SGCG: variants seen among roughly 807,000 people sequenced by gnomAD.
SGCG encodes sarcoglycan gamma.
Under a neutral mutation model 29.3 loss-of-function variants are expected in SGCG, and 26 were observed. That is an observed-to-expected ratio of 0.89 (90% CI 0.65 to 1.23). The LOEUF (loss-of-function observed/expected upper bound fraction) is 1.23, where lower values mean the gene tolerates loss of function less well. Among genes scored for constraint, SGCG ranks in the 50% most tolerant of loss-of-function variants. SGCG has a pLI of 0.00. For missense variants in SGCG, 353 were observed against 356.0 expected (o/e 0.99, Z 0.07); for synonymous variants, 145 against 129.7 (o/e 1.12, Z -0.80).
At chr13:23,198,093 G>T (rs1336791567) in intron 1 of SGCG, among the ~76,000 whole-genome samples, 1 of 152,296 alleles carries the variant, frequency 6.6e-6, no homozygotes, top group Non-Finnish European at 1.5e-5. Context: ...AGATAACTTC[G>T]AACTATTATA....
At chr13:23,167,174 T>A in the SGCG span, among the ~76,000 whole-genome samples, 21 of 152,352 alleles carry the variant, frequency 1.4e-4, no homozygotes, top group Admixed American at 1.4e-3. Flanking sequence ...GCCTGGCTTA[T>A]TTCACTTAAC....
intron 6 of SGCG, among the ~76,000 whole-genome samples, chr13:23,314,456 G>A (rs184549726): frequency 0.23 from 27,289 of 118,868 alleles, 3,261 homozygotes; most frequent in Middle Eastern, 0.31. Context: ...ATATATAAAG[G>A]TATATATATA....
intron 2 of SGCG, among the ~76,000 whole-genome samples, chr13:23,214,860 C>T (rs1380664059): frequency 6.6e-6 from 1 of 152,018 alleles, no homozygotes; most frequent in Non-Finnish European, 1.5e-5. Flanking sequence ...GCTTTCCAGT[C>T]CAAAAATCAT....
intron 6 of SGCG, 144 bp from the exon 7 acceptor site, chr13:23,320,493 T>C: frequency 1.4e-6 from 1 of 701,610 alleles, no homozygotes; most frequent in South Asian, 1.7e-5. Context: ...CAATGAATAA[T>C]GCACAATATG....
At chr13:23,300,930 A>G (rs982968143) in intron 6 of SGCG, among the ~76,000 whole-genome samples, 2 of 152,102 alleles carry the variant, frequency 1.3e-5, no homozygotes, top group Non-Finnish European at 2.9e-5. Flanking sequence ...CCTGGCTAAC[A>G]CGGTGAAACC....
At chr13:23,227,485 CTG>C (rs1033606407) in intron 2 of SGCG, among the ~76,000 whole-genome samples, 3 of 152,152 alleles carry the variant, frequency 2.0e-5, no homozygotes, top group African/African-American at 7.2e-5. Flanking sequence ...GCCATACAAA[CTG>C]TATGTAAAAG....
intron 6 of SGCG, among the ~76,000 whole-genome samples, chr13:23,313,804 T>C (rs576355592): frequency 3.8e-4 from 58 of 152,302 alleles, no homozygotes; most frequent in South Asian, 4.1e-4. Flanking sequence ...TCTGTGAGGG[T>C]GTTGGCAAAG....
At chr13:23,249,010 AAAC>A (rs1484415036) in intron 3 of SGCG, among the ~76,000 whole-genome samples, 8 of 149,132 alleles carry the variant, frequency 5.4e-5, no homozygotes, top group South Asian at 4.5e-4. Context: ...AAAAAAAAAA[AAAC>A]AAACCTCAAT....
At chr13:23,306,640 T>C (rs894246480) in intron 6 of SGCG, among the ~76,000 whole-genome samples, 1 of 152,256 alleles carries the variant, frequency 6.6e-6, no homozygotes, top group Non-Finnish European at 1.5e-5. Flanking sequence ...TATGTATATT[T>C]TATTTGTCAC....
At chr13:23,301,601 A>G (rs760171991) in intron 6 of SGCG, among the ~76,000 whole-genome samples, 3 of 152,170 alleles carry the variant, frequency 2.0e-5, no homozygotes, top group Non-Finnish European at 2.9e-5. Context: ...ATAAGAATCA[A>G]TGGGGTCCGG....
At chr13:23,276,405 G>A (rs2137611993) in intron 4 of SGCG, among the ~76,000 whole-genome samples, 1 of 149,876 alleles carries the variant, frequency 6.7e-6, no homozygotes, top group South Asian at 2.1e-4. Flanking sequence ...CATCAGGGAA[G>A]CATGAACGCT....
chr13:23,317,695 C>T lies in SGCG; in HGVS notation c.579-2942C>T, dbSNP rs572273700. 3.2e-4 allele frequency among the ~76,000 whole-genome samples: 48 copies of T among 152,148 alleles called. 2 individuals are homozygous for T. Among genetic ancestry groups the T allele is most frequent in the Non-Finnish European group, 1.0e-4 (7 of 68,016 alleles). On this transcript the variant is annotated intron_variant, in intron 6 of 7. Transcript: ENST00000218867. ...ATAGTATTTGGGTTGGGGATTGGTG[C>T]GTTTCCAGTTGTAGGAAGGATAGTT...
At chr13:23,200,691 G>A (rs544030726) in intron 1 of SGCG, among the ~76,000 whole-genome samples, 1 of 152,128 alleles carries the variant, frequency 6.6e-6, no homozygotes, top group African/African-American at 2.4e-5. Flanking sequence ...AGAGGAGCAT[G>A]GGGAGCTCTG....
At chr13:23,163,594 C>T in the SGCG span, among the ~76,000 whole-genome samples, 1 of 152,158 alleles carries the variant, frequency 6.6e-6, no homozygotes, top group South Asian at 2.1e-4. Context: ...TCCATTATAT[C>T]AAAGTATAGC....
At chr13:23,318,275 A>G (rs569934478) in intron 6 of SGCG, among the ~76,000 whole-genome samples, 16 of 151,474 alleles carry the variant, frequency 1.1e-4, no homozygotes, top group Non-Finnish European at 2.2e-4. Flanking sequence ...TAATACACCA[A>G]TCAACTGTGA....
rs143479965 is a variant in SGCG, at chr13:23,303,459, A to G, written c.578+7972A>G. 1.3e-3 allele frequency among the ~76,000 whole-genome samples: 201 copies of G among 152,374 alleles called. 1 individual carries two copies. The highest frequency in any genetic ancestry group is 4.5e-3 in the African/African-American group (186 of 41,590). On this transcript the variant is annotated intron_variant, in intron 6 of 7. Coordinates refer to ENST00000218867, the MANE Select transcript of SGCG (RefSeq NM_000231.3). Reference sequence around the variant, plus strand: ...TTGCCCGAGCTCTCTGCCCACAGGCATGTTCAGAATCAGGGCACAGGGAAG... The same window carrying G: ...TTGCCCGAGCTCTCTGCCCACAGGCGTGTTCAGAATCAGGGCACAGGGAAG...
At chr13:23,195,273 T>C (rs1371391489) in intron 1 of SGCG, among the ~76,000 whole-genome samples, 1 of 152,214 alleles carries the variant, frequency 6.6e-6, no homozygotes, top group African/African-American at 2.4e-5. Flanking sequence ...GATTTCTGAT[T>C]TCTGAGAGCA....
At chr13:23,210,518 T>C (rs867430380) in intron 2 of SGCG, among the ~76,000 whole-genome samples, 4 of 152,136 alleles carry the variant, frequency 2.6e-5, no homozygotes, top group East Asian at 1.9e-4. Context: ...AGTGAAACCC[T>C]GTCTCTACTA....
intron 1 of SGCG, among the ~76,000 whole-genome samples, chr13:23,199,782 G>A (rs929320630): frequency 3.3e-5 from 5 of 152,180 alleles, no homozygotes; most frequent in Admixed American, 2.6e-4. Context: ...TCAAATATGG[G>A]AGGACTAGAA....
Sources: gnomAD v4.1 joint callset for allele counts (sites outside exome capture counted in the v4.1 genomes callset) on GRCh38, gnomAD v4.1.1 for gene constraint, MANE v1.5 for transcripts, NCBI Gene and HGNC (gene_info 2026-07-23, HGNC 2026-07-21) for gene names.